SCUBE2: variants seen among roughly 807,000 people sequenced by gnomAD.
SCUBE2 encodes the protein signal peptide, CUB domain and EGF like domain containing 2, also known as signal peptide, CUB and EGF-like domain-containing protein 2.
SCUBE2 carries 114 observed loss-of-function variants against 125.9 expected under a neutral mutation model. That is an observed-to-expected ratio of 0.91 (90% CI 0.78 to 1.06). SCUBE2 has a LOEUF of 1.06. SCUBE2 is among the 50% of genes least tolerant of loss of function. The probability of loss-of-function intolerance (pLI) is 0.00; values close to 1 mark genes in which losing one functional copy is unlikely to be tolerated. For missense variants in SCUBE2, 1,255 were observed against 1,301.8 expected (o/e 0.96, Z 0.55); for synonymous variants, 459 against 492.9 (o/e 0.93, Z 0.91).
chr11:9,025,560 C>T, intron 21 of SCUBE2, 142 bp downstream of exon 21: 3 of 993,700 alleles, frequency 3.0e-6, no homozygotes, highest in Non-Finnish European at 4.4e-6. Flanking sequence ...AAATTTGGCA[C>T]TTGTGAGTCA....
At chr11:9,040,282 TA>T (rs1215971970) in intron 16 of SCUBE2, among the ~76,000 whole-genome samples, 1 of 136,090 alleles carries the variant, frequency 7.3e-6, no homozygotes, top group Non-Finnish European at 1.7e-5. Flanking sequence ...AATAATAAAA[TA>T]AAACAATTAT....
intron 2 of SCUBE2, among the ~76,000 whole-genome samples, chr11:9,088,018 A>G (rs1862260053): frequency 6.6e-6 from 1 of 152,260 alleles, no homozygotes; most frequent in Non-Finnish European, 1.5e-5. Context: ...CTTATTCAAA[A>G]ATAAGGATGT....
intron 21 of SCUBE2, among the ~76,000 whole-genome samples, chr11:9,024,656 G>A (rs1039060024): frequency 2.0e-5 from 3 of 152,094 alleles, no homozygotes; most frequent in South Asian, 2.1e-4. Flanking sequence ...AAGACCATTC[G>A]TCAGTCCACA....
chr11:9,075,837 C>G (rs966032693), intron 3 of SCUBE2, among the ~76,000 whole-genome samples: 3 of 152,176 alleles, frequency 2.0e-5, no homozygotes, highest in Admixed American at 6.5e-5. Flanking sequence ...GGACAAGGTG[C>G]CTGCAGGGCT....
At chr11:9,079,905 TA>T (rs1564848687) in intron 2 of SCUBE2, among the ~76,000 whole-genome samples, 1 of 152,162 alleles carries the variant, frequency 6.6e-6, no homozygotes. Flanking sequence ...TAAGAAGATA[TA>T]AAAACACACA....
rs758476470 is a variant in SCUBE2 at position 9,059,279 on chromosome 11, C to A, written c.1090+24G>T. On this transcript the variant is annotated intron_variant, in intron 9 of 22. Transcript: ENST00000649792. ...CTCCAACCTGTGGGCCATTGCGCAG[C>A]ACAGCTATGTTTTCAGCACATACCT... 5 of 1,611,860 alleles carry A rather than the reference C, an allele frequency of 3.1e-6. No individual in the cohort carries two copies. The Admixed American group carries it at 5.0e-5, about 16-fold the overall frequency.
intron 19 of SCUBE2, among the ~76,000 whole-genome samples, chr11:9,027,983 AAGAC>A (rs529872768): frequency 1.0e-3 from 156 of 152,296 alleles, no homozygotes; most frequent in Admixed American, 1.5e-3. Flanking sequence ...AACTTTGATG[AAGAC>A]AGACATATAT....
intron 21 of SCUBE2, among the ~76,000 whole-genome samples, chr11:9,024,675 G>A (rs1018123081): frequency 2.0e-5 from 3 of 152,046 alleles, no homozygotes; most frequent in Non-Finnish European, 2.9e-5. Flanking sequence ...CACGTACACC[G>A]GGGTACTTCA....
chr11:9,085,831 T>G (rs1003116475), intron 2 of SCUBE2, among the ~76,000 whole-genome samples: 14 of 4,812 alleles, frequency 2.9e-3, no homozygotes, highest in African/African-American at 3.0e-3. Flanking sequence ...TCTTTAGTTT[T>G]TTTTTTTTTT....
Position 9,066,690 on chromosome 11 carries a change from C to T in SCUBE2, c.760+7G>A. On this transcript the variant is annotated splice_region_variant and intron_variant, in intron 6 of 22. Transcript: ENST00000649792. ...GACCCTCACTCAGTGTTGGGGTTGCCACTCACCAAGGCAGCTCCTCCCATC... is the reference window on the plus strand; with the variant it reads ...GACCCTCACTCAGTGTTGGGGTTGCTACTCACCAAGGCAGCTCCTCCCATC... The T allele has an allele frequency of 6.2e-7, 1 of 1,611,272 alleles. No homozygotes were observed. The highest frequency in any genetic ancestry group is 8.5e-7 in the Non-Finnish European group (1 of 1,177,490).
Position 9,043,251 on chromosome 11 carries a change from A to AATAC in SCUBE2, c.2002+4101_2002+4104dup, listed in dbSNP as rs199620023. Reference sequence around the variant, plus strand: ...CAAAACAACCAAATACAGTATATATAATACATACATACATACATACATATA... The same window carrying AATAC: ...CAAAACAACCAAATACAGTATATATAATACATACATACATACATACATACATATA... On this transcript the variant is annotated intron_variant, in intron 16 of 22. Coordinates refer to ENST00000649792, the MANE Select transcript of SCUBE2 (RefSeq NM_001367977.2). Among the ~76,000 whole-genome samples the AATAC allele has an allele frequency of 2.8e-3, 429 of 151,944 alleles. 1 individual carries two copies. The highest frequency in any genetic ancestry group is 9.2e-3 in the African/African-American group (383 of 41,416).
At chr11:9,062,906 G>T (rs1859823855) in intron 7 of SCUBE2, among the ~76,000 whole-genome samples, 2 of 151,916 alleles carry the variant, frequency 1.3e-5, no homozygotes, top group South Asian at 4.2e-4. Context: ...CCAGCTAACA[G>T]GAGTTCCGGA....
chr11:9,090,842 A>G (rs556890690), intron 1 of SCUBE2, among the ~76,000 whole-genome samples: 13 of 152,240 alleles, frequency 8.5e-5, no homozygotes, highest in Non-Finnish European at 1.8e-4. Context: ...CAGCACGTCC[A>G]GAGTCCTCTC....
intron 10 of SCUBE2, 33 bp downstream of exon 10, chr11:9,055,760 C>A: frequency 6.4e-7 from 1 of 1,569,426 alleles, no homozygotes; most frequent in Non-Finnish European, 8.8e-7. Context: ...CAGCCTCATT[C>A]CCCTCCCAAC....
rs1590048334 is a variant in SCUBE2 at position 9,045,264 on chromosome 11, TTAC to T, written c.2002+2089_2002+2091del. 2.0e-5 allele frequency among the ~76,000 whole-genome samples: 3 copies of T among 152,324 alleles called. No homozygotes were observed. In the East Asian group the frequency reaches 5.8e-4, roughly 29 times the overall value. Reference sequence around the variant, plus strand: ...ATCACACAGCAAACTATAACAGTGATTACTGCTGGGGAGTTGGATTAGGGAGCT... The same window carrying T: ...ATCACACAGCAAACTATAACAGTGATTGCTGGGGAGTTGGATTAGGGAGCT... On this transcript the variant is annotated intron_variant, in intron 16 of 22. Transcript: ENST00000649792.
intron 13 of SCUBE2, among the ~76,000 whole-genome samples, chr11:9,051,060 G>A (rs1858316793): frequency 6.6e-6 from 1 of 152,214 alleles, no homozygotes; most frequent in Admixed American, 6.5e-5. Context: ...CTACTCGGGA[G>A]GCTGAGGCAG....
chr11:9,021,991 A>AT (rs1353490335), intron 21 of SCUBE2, 36 bp from the exon 22 acceptor site: 1 of 1,492,716 alleles, frequency 6.7e-7, no homozygotes, highest in African/African-American at 1.4e-5. Context: ...CATTCTTATG[A>AT]TTTAGTTGCT....
chr11:9,061,199 G>A, intron 7 of SCUBE2, among the ~76,000 whole-genome samples: 1 of 152,066 alleles, frequency 6.6e-6, no homozygotes, highest in Non-Finnish European at 1.5e-5. Flanking sequence ...TCATTGAATT[G>A]TTAGCATCTA....
At chr11:9,074,667 A>C (rs1339497404) in intron 3 of SCUBE2, 52 bp from the exon 4 acceptor site, 42 of 1,604,824 alleles carry the variant, frequency 2.6e-5, no homozygotes, top group Non-Finnish European at 3.4e-5. Context: ...TCAATGCCCC[A>C]CCTCACCCAG....
Sources: allele counts gnomAD v4.1 joint callset (sites outside exome capture counted in the v4.1 genomes callset), GRCh38; gene constraint gnomAD v4.1.1; transcripts MANE v1.5; gene names NCBI Gene and HGNC (gene_info 2026-07-23, HGNC 2026-07-21).